The following EXT2 variants were observed in gnomAD, a reference collection of about 807,000 sequenced individuals.
The protein encoded by EXT2 is exostosin-2.
Under a neutral mutation model 81.6 loss-of-function variants are expected in EXT2, and 53 were observed. That is an observed-to-expected ratio of 0.65 (90% confidence interval 0.52 to 0.82). The LOEUF (loss-of-function observed/expected upper bound fraction) is 0.82, where lower values mean the gene tolerates loss of function less well. Among genes scored for constraint, EXT2 ranks in the 40% least tolerant of loss-of-function variants. The pLI, the probability that EXT2 is intolerant of heterozygous loss-of-function variation, is 0.00. For synonymous variants in EXT2, 320 were observed against 340.0 expected (o/e 0.94, Z 0.65); for missense variants, 774 against 910.2 (o/e 0.85, Z 1.93).
intron 8 of EXT2, among the ~76,000 whole-genome samples, chr11:44,175,672 A>G (rs967164155): frequency 2.6e-5 from 4 of 152,222 alleles, no homozygotes; most frequent in Admixed American, 6.5e-5. Flanking sequence ...ATAGAAGTAG[A>G]ATTTCCTGTA....
intron 8 of EXT2, among the ~76,000 whole-genome samples, chr11:44,181,848 C>G (rs1955240489): frequency 6.6e-6 from 1 of 152,144 alleles, no homozygotes; most frequent in South Asian, 2.1e-4. Flanking sequence ...TGATTATTGG[C>G]AGTCTGCTCT....
intron 6 of EXT2, 150 bp from the exon 7 acceptor site, chr11:44,129,893 GGA>G: frequency 1.4e-6 from 1 of 708,728 alleles, no homozygotes. Context: ...AGTGAAGAAG[GGA>G]GGGGAAAGAG....
At chr11:44,236,878 CTCTT>C (rs1165562869) in intron 13 of EXT2, among the ~76,000 whole-genome samples, 5 of 151,936 alleles carry the variant, frequency 3.3e-5, no homozygotes, top group Non-Finnish European at 7.3e-5. Flanking sequence ...CTGAAATACT[CTCTT>C]TATTTCGATT....
chr11:44,113,509 G>T (rs1954175267), intron 3 of EXT2, among the ~76,000 whole-genome samples: 1 of 152,196 alleles, frequency 6.6e-6, no homozygotes, highest in Non-Finnish European at 1.5e-5. Context: ...GAGAGTAACG[G>T]CTAGTACAAG....
chr11:44,242,901 A>C (rs1265165945), intron 13 of EXT2, among the ~76,000 whole-genome samples: 1 of 152,130 alleles, frequency 6.6e-6, no homozygotes, highest in East Asian at 1.9e-4. Context: ...CAGTCTTCCC[A>C]TTATAAAATG....
intron 8 of EXT2, among the ~76,000 whole-genome samples, chr11:44,188,192 C>G (rs1056174483): frequency 6.6e-6 from 1 of 152,144 alleles, no homozygotes; most frequent in Non-Finnish European, 1.5e-5. Context: ...ACTTGGTATC[C>G]TGGGAGGTGA....
chr11:44,222,900 A>G (rs1955797316), intron 10 of EXT2, among the ~76,000 whole-genome samples: 1 of 152,244 alleles, frequency 6.6e-6, no homozygotes, highest in Non-Finnish European at 1.5e-5. Flanking sequence ...AGGGCTAAAC[A>G]TCTAGAATAT....
At chr11:44,127,436 G>A (rs1954424667) in intron 6 of EXT2, among the ~76,000 whole-genome samples, 1 of 152,164 alleles carries the variant, frequency 6.6e-6, no homozygotes, top group Admixed American at 6.5e-5. Context: ...TATCATAGAA[G>A]CGTGGACCCT....
At chr11:44,181,946 A>C (rs866096586) in intron 8 of EXT2, among the ~76,000 whole-genome samples, 52 of 152,312 alleles carry the variant, frequency 3.4e-4, no homozygotes, top group Middle Eastern at 6.8e-3. Flanking sequence ...TTAGGTTAAG[A>C]GGATGGGGAC....
chr11:44,120,659 C>T (rs999809099), intron 4 of EXT2, among the ~76,000 whole-genome samples: 8 of 152,252 alleles, frequency 5.3e-5, no homozygotes, highest in Admixed American at 5.2e-4. Flanking sequence ...GGAATTCCCA[C>T]ATCTCTTGCG....
At chr11:44,170,775 A>T (rs2135125650) in intron 7 of EXT2, among the ~76,000 whole-genome samples, 1 of 151,468 alleles carries the variant, frequency 6.6e-6, no homozygotes, top group East Asian at 1.9e-4. Flanking sequence ...TATGGCTATG[A>T]AAGAAAATTC....
intron 4 of EXT2, among the ~76,000 whole-genome samples, chr11:44,121,338 C>T (rs1057354865): frequency 6.6e-6 from 1 of 152,210 alleles, no homozygotes; most frequent in Non-Finnish European, 1.5e-5. Context: ...CACACATCAA[C>T]ATCTGTATTT....
intron 4 of EXT2, among the ~76,000 whole-genome samples, chr11:44,119,159 T>TTC (rs1954275014): frequency 2.3e-5 from 1 of 44,386 alleles, no homozygotes; most frequent in Non-Finnish European, 5.4e-5. Context: ...TATATATATA[T>TTC]ATATATATAT....
At chr11:44,098,333 G>A (rs1953930627) in intron 1 of EXT2, among the ~76,000 whole-genome samples, 1 of 152,052 alleles carries the variant, frequency 6.6e-6, no homozygotes, top group Non-Finnish European at 1.5e-5. Flanking sequence ...TGAGTCGGGA[G>A]CACTGTCACT....
intron 9 of EXT2, 157 bp downstream of exon 9, chr11:44,198,175 G>T: frequency 1.3e-6 from 1 of 794,096 alleles, no homozygotes; most frequent in East Asian, 2.7e-5. Flanking sequence ...TCTTGTTCTA[G>T]GGTGGCCCAT....
At chr11:44,242,492 G>T (rs1956048929) in intron 13 of EXT2, among the ~76,000 whole-genome samples, 1 of 152,170 alleles carries the variant, frequency 6.6e-6, no homozygotes, top group South Asian at 2.1e-4. Flanking sequence ...GATCCAAAGA[G>T]CAGGCTCTAT....
At chr11:44,145,091 CAT>C (rs1247138478) in intron 7 of EXT2, among the ~76,000 whole-genome samples, 1 of 151,956 alleles carries the variant, frequency 6.6e-6, no homozygotes, top group African/African-American at 2.4e-5. Flanking sequence ...TGCAAGAAGA[CAT>C]AGAAATAGCA....
intron 1 of EXT2, among the ~76,000 whole-genome samples, chr11:44,098,923 C>T (rs927116908): frequency 6.6e-6 from 1 of 152,080 alleles, no homozygotes; most frequent in South Asian, 2.1e-4. Flanking sequence ...GATGCTAAAC[C>T]GTGTGCACCT....
chr11:44,160,284 C>A (rs1336461856), intron 7 of EXT2, among the ~76,000 whole-genome samples: 3 of 152,180 alleles, frequency 2.0e-5, no homozygotes, highest in Non-Finnish European at 4.4e-5. Flanking sequence ...GGTTTGTGCT[C>A]CAGTAAGTTG....
Sources: allele counts gnomAD v4.1 joint callset (sites outside exome capture counted in the v4.1 genomes callset), GRCh38; gene constraint gnomAD v4.1.1; transcripts MANE v1.5; gene names NCBI Gene and HGNC (gene_info 2026-07-23, HGNC 2026-07-21).